Variants in GPC5 observed in about 807,000 individuals in gnomAD.
The protein encoded by GPC5 is glypican-5.
A neutral mutation model predicts 53.9 loss-of-function variants in GPC5; 47 were observed. That is an observed-to-expected ratio of 0.87 (90% CI 0.69 to 1.11). GPC5 has a LOEUF of 1.11. Ranked by LOEUF, GPC5 falls within the 50% of genes most tolerant of loss-of-function variation. The pLI is 0.00. For synonymous variants in GPC5, 286 were observed against 263.3 expected, an observed-to-expected ratio of 1.09 and a Z score of -0.84; for missense variants, 748 against 713.1, an observed-to-expected ratio of 1.05 and a Z score of -0.56.
intron 7 of GPC5, among the ~76,000 whole-genome samples, chr13:92,627,019 T>A (rs1885067427): frequency 6.6e-6 from 1 of 152,184 alleles, no homozygotes; most frequent in African/African-American, 2.4e-5. Flanking sequence ...AGAATCCCAA[T>A]CATAATAAAT....
chr13:92,510,472 A>G (rs1880524313), intron 7 of GPC5, among the ~76,000 whole-genome samples: 2 of 152,230 alleles, frequency 1.3e-5, no homozygotes, highest in African/African-American at 4.8e-5. Context: ...TCAGCTGCAT[A>G]GAAACAACTG....
chr13:91,669,806 C>A (rs1465685415), intron 2 of GPC5, among the ~76,000 whole-genome samples: 2 of 152,276 alleles, frequency 1.3e-5, no homozygotes, highest in Admixed American at 1.3e-4. Flanking sequence ...GCTCAAAATT[C>A]TATAGTTACC....
At chr13:92,864,307 T>A (rs768693288) in intron 7 of GPC5, among the ~76,000 whole-genome samples, 3 of 152,174 alleles carry the variant, frequency 2.0e-5, no homozygotes, top group Non-Finnish European at 4.4e-5. Flanking sequence ...TAAAATAGCA[T>A]CTGATTGAAG....
At chr13:91,607,826 G>A (rs968881702) in intron 2 of GPC5, among the ~76,000 whole-genome samples, 18 of 152,156 alleles carry the variant, frequency 1.2e-4, no homozygotes, top group Non-Finnish European at 1.8e-4. Flanking sequence ...AAATTAAGGC[G>A]TGGACCTTTA....
At chr13:92,710,054 G>A (rs1005483926) in intron 7 of GPC5, among the ~76,000 whole-genome samples, 3 of 152,158 alleles carry the variant, frequency 2.0e-5, no homozygotes, top group Non-Finnish European at 4.4e-5. Flanking sequence ...ATACCACTGT[G>A]CAGAAAAAGA....
rs185454030 is a variant in GPC5, at chr13:92,392,974, T to C, written c.1561+247985T>C. Among the ~76,000 whole-genome samples, 317 of 152,294 alleles carry C rather than the reference T, an allele frequency of 2.1e-3. 2 individuals carry two copies. The highest frequency in any genetic ancestry group is 7.4e-3 in the African/African-American group (306 of 41,554). The stretch of plus-strand genomic sequence containing the variant: ...TGGGAGTGTAAATTAGTTCAACCAT[T>C]GTGGAAAGCAGGTTGACGATTCCTC... On this transcript the variant is annotated intron_variant, in intron 7 of 7. Coordinates refer to ENST00000377067, the MANE Select transcript of GPC5 (RefSeq NM_004466.6).
At chr13:92,521,807 G>T (rs187620531) in intron 7 of GPC5, among the ~76,000 whole-genome samples, 3 of 152,086 alleles carry the variant, frequency 2.0e-5, no homozygotes, top group Non-Finnish European at 1.5e-5. Context: ...AGCTTCTGCA[G>T]AGCAAAAGAA....
chr13:91,799,057 CA>C (rs1480491516), intron 5 of GPC5, among the ~76,000 whole-genome samples: 4 of 152,022 alleles, frequency 2.6e-5, no homozygotes, highest in African/African-American at 9.7e-5. Context: ...GTACTATTCA[CA>C]ATAGCAAAGA....
intron 5 of GPC5, among the ~76,000 whole-genome samples, chr13:91,788,468 TAAG>T (rs558433639): frequency 2.0e-5 from 3 of 152,092 alleles, no homozygotes; most frequent in Non-Finnish European, 4.4e-5. Flanking sequence ...AGGAAAAAAA[TAAG>T]AAACAGAAAA....
intron 7 of GPC5, among the ~76,000 whole-genome samples, chr13:92,757,169 A>G (rs1217964824): frequency 6.6e-6 from 1 of 152,190 alleles, no homozygotes; most frequent in Non-Finnish European, 1.5e-5. Context: ...GCCCTCTGAA[A>G]TAACGCCGCA....
chr13:92,227,204 T>G (rs2042493742), intron 7 of GPC5, among the ~76,000 whole-genome samples: 1 of 152,138 alleles, frequency 6.6e-6, no homozygotes, highest in African/African-American at 2.4e-5. Flanking sequence ...AATCTACCAC[T>G]TGGTAGAGTG....
intron 1 of GPC5, among the ~76,000 whole-genome samples, chr13:91,446,153 G>A (rs370095607): frequency 6.6e-6 from 1 of 152,072 alleles, no homozygotes; most frequent in South Asian, 2.1e-4. Flanking sequence ...GTGGAGATTT[G>A]GAGATAGTGA....
At chr13:91,851,596 C>T (rs2038914064) in intron 5 of GPC5, among the ~76,000 whole-genome samples, 1 of 149,966 alleles carries the variant, frequency 6.7e-6, no homozygotes, top group African/African-American at 2.5e-5. Context: ...GTGCGCTGCA[C>T]CCACTAACTC....
chr13:91,609,452 A>G (rs1295033073), intron 2 of GPC5, among the ~76,000 whole-genome samples: 1 of 152,212 alleles, frequency 6.6e-6, no homozygotes, highest in Non-Finnish European at 1.5e-5. Context: ...CACCAGTATC[A>G]ACCCCAGAGG....
At chr13:91,849,537 G>A (rs1453304896) in intron 5 of GPC5, among the ~76,000 whole-genome samples, 3 of 152,112 alleles carry the variant, frequency 2.0e-5, no homozygotes, top group Middle Eastern at 3.4e-3. Flanking sequence ...CATTATTAAA[G>A]TTTGTGTATT....
intron 7 of GPC5, among the ~76,000 whole-genome samples, chr13:92,721,358 G>A (rs1238244969): frequency 6.6e-6 from 1 of 152,020 alleles, no homozygotes; most frequent in African/African-American, 2.4e-5. Context: ...AGGGATGAGC[G>A]TATCCTAATG....
intron 7 of GPC5, among the ~76,000 whole-genome samples, chr13:92,560,803 G>A (rs571727972): frequency 4.3e-4 from 65 of 151,508 alleles, no homozygotes; most frequent in African/African-American, 1.6e-3. Context: ...CCTTTAGACA[G>A]GAAAAGGCCA....
chr13:92,513,966 G>T (rs1244070345), intron 7 of GPC5, among the ~76,000 whole-genome samples: 2 of 152,046 alleles, frequency 1.3e-5, no homozygotes, highest in African/African-American at 4.8e-5. Flanking sequence ...CAGATCTTCA[G>T]ATTAAAGCTG....
intron 7 of GPC5, among the ~76,000 whole-genome samples, chr13:92,372,141 G>A (rs1298820123): frequency 6.6e-6 from 1 of 152,138 alleles, no homozygotes; most frequent in Admixed American, 6.5e-5. Flanking sequence ...GTTCAGCCTT[G>A]CGACACTCTA....
Sources: allele counts gnomAD v4.1 joint callset (sites outside exome capture counted in the v4.1 genomes callset), GRCh38; gene constraint gnomAD v4.1.1; transcripts MANE v1.5; gene names NCBI Gene and HGNC (gene_info 2026-07-23, HGNC 2026-07-21).